Variants in TSPAN11 observed in about 807,000 individuals in gnomAD.
The protein encoded by TSPAN11 is tetraspanin 11, also known as tetraspanin-11.
A neutral mutation model predicts 32.9 loss-of-function variants in TSPAN11; 29 were observed. The ratio of observed to expected loss-of-function variants is 0.88; its 90% confidence interval spans 0.66 to 1.20. TSPAN11 has a LOEUF of 1.20. TSPAN11 is among the 50% of genes most tolerant of loss of function. TSPAN11 has a pLI of 0.00. For synonymous variants in TSPAN11, 140 were observed against 141.3 expected, an observed-to-expected ratio of 0.99 and a Z score of 0.07; for missense variants, 283 against 329.1, an observed-to-expected ratio of 0.86 and a Z score of 1.08.
chr12:30,982,573 C>G lies in TSPAN11; in HGVS notation c.498C>G (p.His166Gln). The change falls in exon 6 of 8, where the codon CAC becomes CAG. Residue 166 changes from histidine (H) to glutamine (Q), a missense_variant. Coordinates refer to ENST00000546076, the MANE Select transcript of TSPAN11 (RefSeq NM_001370302.1). Reference sequence around the variant, plus strand: ...GCAACAGCTCAGCCGACTGGCAGCACAGCACGTACATCCTGTTGCGGGAGG... The same window carrying G: ...GCAACAGCTCAGCCGACTGGCAGCAGAGCACGTACATCCTGTTGCGGGAGG... Reference protein sequence around the residue: ...CGSNSSADWQHSTYILLREAE... With the variant: ...CGSNSSADWQQSTYILLREAE... 8 of 1,612,858 alleles carry G rather than the reference C, an allele frequency of 5.0e-6. No homozygotes were observed. Among genetic ancestry groups the G allele is most frequent in the Non-Finnish European group, 6.8e-6 (8 of 1,179,538 alleles).
chr12:31,004,377 C>G, the TSPAN11 span, among the ~76,000 whole-genome samples: 1 of 152,138 alleles, frequency 6.6e-6, no homozygotes, highest in Non-Finnish European at 1.5e-5. Context: ...TGTATTTCTT[C>G]TCTTTGAGAT....
chr12:30,968,354 C>T (rs1313298530), intron 3 of TSPAN11, among the ~76,000 whole-genome samples: 1 of 152,248 alleles, frequency 6.6e-6, no homozygotes, highest in African/African-American at 2.4e-5. Flanking sequence ...CTGGCACAGC[C>T]CTTCCTCCTA....
At chr12:30,960,199 T>C (rs940071154) in intron 2 of TSPAN11, among the ~76,000 whole-genome samples, 18 of 151,704 alleles carry the variant, frequency 1.2e-4, no homozygotes, top group South Asian at 4.2e-4. Flanking sequence ...AGATGATGAG[T>C]GTGGTTCCCA....
chr12:31,015,020 C>T, the TSPAN11 span, among the ~76,000 whole-genome samples: 6 of 152,242 alleles, frequency 3.9e-5, no homozygotes, highest in South Asian at 2.1e-4. This position sits in a 1 kb window ranked among gnomAD's most constrained non-coding sequence, Gnocchi z 4.9. Context: ...AATTCACTCT[C>T]GGTCTTTGCT....
chr12:30,958,447 G>A (rs996067464), intron 2 of TSPAN11, among the ~76,000 whole-genome samples: 4 of 152,096 alleles, frequency 2.6e-5, no homozygotes, highest in Admixed American at 6.5e-5. Context: ...CCTGATGCAC[G>A]CTTTCATGTG....
chr12:30,963,070 C>T (rs1938645350), intron 2 of TSPAN11, among the ~76,000 whole-genome samples: 1 of 152,142 alleles, frequency 6.6e-6, no homozygotes, highest in Non-Finnish European at 1.5e-5. Context: ...TCAGGAGGGT[C>T]CTATCCCTCC....
chr12:30,970,791 G>A (rs1449604151), intron 3 of TSPAN11, among the ~76,000 whole-genome samples: 4 of 152,198 alleles, frequency 2.6e-5, no homozygotes, highest in Non-Finnish European at 5.9e-5. Context: ...CCTTCTAACA[G>A]TGACACTTGG....
rs1938947748 is a variant in TSPAN11 at position 30,975,421 on chromosome 12, G to C, written c.277-3140G>C. ...CGGCCTCAGTCCCCTTGAAGCCCCA[G>C]GCCAGGCCCTCACTCCCCTTCCAGG... On this transcript the variant is annotated intron_variant, in intron 3 of 7. Transcript: ENST00000546076. This position sits in a 1 kb window ranked among gnomAD's most constrained non-coding sequence, Gnocchi z 4.5. 6.6e-6 allele frequency among the ~76,000 whole-genome samples: 1 copy of C among 152,048 alleles called. No homozygotes were observed. The highest frequency in any genetic ancestry group is 1.5e-5 in the Non-Finnish European group (1 of 68,000).
intron 2 of TSPAN11, among the ~76,000 whole-genome samples, chr12:30,956,526 C>T (rs989852459): frequency 9.2e-5 from 14 of 151,478 alleles, no homozygotes; most frequent in Admixed American, 3.3e-4. Context: ...CCCCATCACC[C>T]TGTCCCTCAC....
chr12:30,942,154 A>G (rs190945136), intron 1 of TSPAN11, among the ~76,000 whole-genome samples: 2 of 152,254 alleles, frequency 1.3e-5, no homozygotes, highest in African/African-American at 4.8e-5. Context: ...ATCTTTTCCC[A>G]TTGTCCTTCA....
chr12:30,962,973 T>C (rs747051303), intron 2 of TSPAN11, among the ~76,000 whole-genome samples: 19 of 152,146 alleles, frequency 1.2e-4, no homozygotes, highest in Non-Finnish European at 2.4e-4. Context: ...CTTGGCTTCA[T>C]TGCAAATAGA....
At chr12:30,927,364 C>A (rs1047561090) in intron 1 of TSPAN11, among the ~76,000 whole-genome samples, 1 of 152,298 alleles carries the variant, frequency 6.6e-6, no homozygotes, top group South Asian at 2.1e-4. Flanking sequence ...TGCAGTTGGC[C>A]GGCTCCGTGT....
the TSPAN11 span, among the ~76,000 whole-genome samples, chr12:31,014,878 C>CG: frequency 3.9e-5 from 6 of 152,146 alleles, no homozygotes; most frequent in Non-Finnish European, 7.3e-5. Context: ...AAGCCTGTGG[C>CG]GCTCATCTGA....
chr12:30,938,810 T>C (rs1188696712), intron 1 of TSPAN11, among the ~76,000 whole-genome samples: 2 of 152,172 alleles, frequency 1.3e-5, no homozygotes, highest in African/African-American at 4.8e-5. Context: ...CAATTCTGGA[T>C]AGGGACAACT....
intron 3 of TSPAN11, among the ~76,000 whole-genome samples, chr12:30,974,987 G>A (rs1226949228): frequency 3.9e-5 from 6 of 152,228 alleles, no homozygotes; most frequent in Admixed American, 2.6e-4. Context: ...AGACTGAGCC[G>A]AGCTGGGTGT....
intron 1 of TSPAN11, among the ~76,000 whole-genome samples, chr12:30,943,543 T>C (rs1938208596): frequency 6.6e-6 from 1 of 152,246 alleles, no homozygotes; most frequent in Non-Finnish European, 1.5e-5. Flanking sequence ...TGTTGGTAGC[T>C]GTGGAAAGAA....
chr12:30,998,069 C>T (rs899213879), downstream of TSPAN11, among the ~76,000 whole-genome samples: 1 of 152,246 alleles, frequency 6.6e-6, no homozygotes, highest in Admixed American at 6.5e-5. Flanking sequence ...AGTGAGTTGC[C>T]TGCTCCCCTC....
rs562758451 is a variant in TSPAN11 at position 30,973,875 on chromosome 12, T to C, written c.277-4686T>C. Among the ~76,000 whole-genome samples the C allele has an allele frequency of 3.3e-5, 5 of 152,306 alleles. No individual in the cohort carries two copies. In the East Asian group the frequency reaches 5.8e-4, roughly 18 times the overall value. ...AGAGTCAACCCTAACACAAACCTTA[T>C]GGCGTCACACCCCTCCCCAGCTCAC... On this transcript the variant is annotated intron_variant, in intron 3 of 7. Transcript: ENST00000546076.
chr12:30,971,381 C>T (rs997105264), intron 3 of TSPAN11, among the ~76,000 whole-genome samples: 1 of 152,198 alleles, frequency 6.6e-6, no homozygotes, highest in African/African-American at 2.4e-5. Flanking sequence ...CTCTTATGCA[C>T]CAGTGAATGT....
Sources: gnomAD v4.1 joint callset for allele counts (sites outside exome capture counted in the v4.1 genomes callset) on GRCh38, gnomAD v4.1.1 for gene constraint, Gnocchi (gnomAD v3.1) non-coding constraint, MANE v1.5 for transcripts, NCBI Gene and HGNC (gene_info 2026-07-23, HGNC 2026-07-21) for gene names.